PRRG1: variants seen among roughly 807,000 people sequenced by gnomAD.
PRRG1 encodes transmembrane gamma-carboxyglutamic acid protein 1.
PRRG1 carries 5 observed loss-of-function variants against 11.8 expected under a neutral mutation model. The observed-to-expected ratio is 0.42, with a 90% CI of 0.22 to 0.89. The LOEUF (loss-of-function observed/expected upper bound fraction) is 0.89, where lower values mean the gene tolerates loss of function less well. PRRG1 is among the 40% of genes least tolerant of loss of function. PRRG1 has a pLI of 0.28. For synonymous variants in PRRG1, 66 were observed against 60.4 expected, an observed-to-expected ratio of 1.09 and a Z score of -0.43; for missense variants, 155 against 166.1, an observed-to-expected ratio of 0.93 and a Z score of 0.37.
chrX:37,433,310 A>C (rs782576823), intron 3 of PRRG1, among the ~76,000 whole-genome samples: 3 of 111,522 alleles, frequency 2.7e-5, no homozygotes, highest in Non-Finnish European at 5.7e-5. Context: ...CACATCTCCT[A>C]TGACACCCCA....
At chrX:37,387,551 G>A (rs1377700185) in intron 1 of PRRG1, among the ~76,000 whole-genome samples, 2 of 111,202 alleles carry the variant, frequency 1.8e-5, no homozygotes, top group East Asian at 2.8e-4. Flanking sequence ...GAGAGAGAGG[G>A]GGGAGGTGCT....
chrX:37,364,033 A>T (rs1294084711), intron 1 of PRRG1, among the ~76,000 whole-genome samples: 1 of 111,149 alleles, frequency 9.0e-6, no homozygotes, highest in East Asian at 2.8e-4. Flanking sequence ...TTTGTTAAAT[A>T]GTGAAGGAGG....
chrX:37,435,958 G>A, intron 3 of PRRG1, among the ~76,000 whole-genome samples: 1 of 111,906 alleles, frequency 8.9e-6, no homozygotes, highest in South Asian at 3.8e-4. Context: ...AACTGGGTGA[G>A]GAGTACAGGA....
chrX:37,404,580 G>C (rs1602008706), intron 1 of PRRG1, among the ~76,000 whole-genome samples: 1 of 110,713 alleles, frequency 9.0e-6, no homozygotes, highest in Non-Finnish European at 1.9e-5. Flanking sequence ...GCTTCCTATA[G>C]TGCTAGGTTT....
intron 1 of PRRG1, among the ~76,000 whole-genome samples, chrX:37,363,887 CCAGT>C (rs1569435186): frequency 8.9e-6 from 1 of 111,928 alleles, no homozygotes; most frequent in African/African-American, 3.2e-5. Context: ...ACATCTGTAC[CCAGT>C]CAAAATTTTT....
chrX:37,449,406 G>A (rs1461305978), intron 3 of PRRG1, among the ~76,000 whole-genome samples: 2 of 112,478 alleles, frequency 1.8e-5, no homozygotes, highest in African/African-American at 6.4e-5. Context: ...TGAAAGCCTT[G>A]AGGTCAGGCC....
intron 2 of PRRG1, among the ~76,000 whole-genome samples, chrX:37,414,665 A>G (rs1932438940): frequency 8.9e-6 from 1 of 112,737 alleles, no homozygotes. Flanking sequence ...TGATAGGTTG[A>G]TTTGCAGAGG....
intron 1 of PRRG1, among the ~76,000 whole-genome samples, chrX:37,368,583 T>A (rs1556370038): frequency 8.9e-6 from 1 of 112,022 alleles, no homozygotes; most frequent in African/African-American, 3.2e-5. Context: ...ATAAACAGTA[T>A]ATAGTTGCTT....
intron 1 of PRRG1, among the ~76,000 whole-genome samples, chrX:37,402,011 C>T (rs782405825): frequency 9.0e-6 from 1 of 111,552 alleles, no homozygotes; most frequent in African/African-American, 3.3e-5. Flanking sequence ...GAAGAACATT[C>T]CACGCTCATG....
intron 1 of PRRG1, among the ~76,000 whole-genome samples, chrX:37,395,121 A>G (rs1290759927): frequency 8.9e-6 from 1 of 111,868 alleles, no homozygotes; most frequent in Non-Finnish European, 1.9e-5. Context: ...TAATAACCCC[A>G]TTATGGTTGA....
intron 1 of PRRG1, among the ~76,000 whole-genome samples, chrX:37,397,765 G>C (rs1284805859): frequency 9.0e-6 from 1 of 111,019 alleles, no homozygotes; most frequent in East Asian, 2.8e-4. Flanking sequence ...ATTAAGGAAG[G>C]TGGAACCTGC....
intron 1 of PRRG1, among the ~76,000 whole-genome samples, chrX:37,398,668 C>T (rs1486685137): frequency 8.9e-6 from 1 of 111,920 alleles, no homozygotes; most frequent in Admixed American, 9.5e-5. Context: ...CGGCTTCAGA[C>T]GATCAAACTC....
intron 1 of PRRG1, among the ~76,000 whole-genome samples, chrX:37,389,538 A>G (rs1931456889): frequency 9.0e-6 from 1 of 111,245 alleles, no homozygotes; most frequent in South Asian, 3.9e-4. Flanking sequence ...CCAGCACTTC[A>G]CATGGCTGGA....
intron 1 of PRRG1, among the ~76,000 whole-genome samples, chrX:37,384,178 C>G (rs1307624828): frequency 9.0e-6 from 1 of 111,471 alleles, no homozygotes; most frequent in Non-Finnish European, 1.9e-5. Context: ...GATATACTTT[C>G]CCGTTTGCAG....
intron 3 of PRRG1, among the ~76,000 whole-genome samples, chrX:37,449,538 C>A (rs999508500): frequency 1.2e-4 from 13 of 112,340 alleles, no homozygotes; most frequent in Non-Finnish European, 2.1e-4. Context: ...GCATTTTGTT[C>A]TAGCACTCAG....
chrX:37,407,079 A>G (rs911187953), intron 2 of PRRG1, among the ~76,000 whole-genome samples: 2 of 112,009 alleles, frequency 1.8e-5, no homozygotes, highest in Admixed American at 9.5e-5. Flanking sequence ...CATAGTTACA[A>G]TGACCTGATT....
At chrX:37,375,231 G>T (rs1267368733) in intron 1 of PRRG1, among the ~76,000 whole-genome samples, 4 of 111,539 alleles carry the variant, frequency 3.6e-5, no homozygotes, top group African/African-American at 1.3e-4. Context: ...GCCCTAGACT[G>T]TGACCTTCGC....
At chrX:37,368,192 T>C (rs1427404363) in intron 1 of PRRG1, among the ~76,000 whole-genome samples, 1 of 112,398 alleles carries the variant, frequency 8.9e-6, no homozygotes, top group African/African-American at 3.2e-5. Flanking sequence ...ACCAGTTATA[T>C]AAAAGTAGCT....
At chrX:37,412,336 ATTG>A (rs1556384080) in intron 2 of PRRG1, among the ~76,000 whole-genome samples, 1 of 111,649 alleles carries the variant, frequency 9.0e-6, no homozygotes, top group East Asian at 2.8e-4. Flanking sequence ...CTGCTGAACT[ATTG>A]TTAAGTTGAA....
Sources: gnomAD v4.1 joint callset for allele counts (sites outside exome capture counted in the v4.1 genomes callset) on GRCh38, gnomAD v4.1.1 for gene constraint, MANE v1.5 for transcripts, NCBI Gene and HGNC (gene_info 2026-07-23, HGNC 2026-07-21) for gene names.